TMC1: variants seen among roughly 807,000 people sequenced by gnomAD.
TMC1 encodes the protein transmembrane channel-like protein 1.
In TMC1, 84 loss-of-function variants were observed where a neutral mutation model predicts 105.8. The ratio of observed to expected loss-of-function variants is 0.79; its 90% CI spans 0.67 to 0.95. The LOEUF (loss-of-function observed/expected upper bound fraction) is 0.95, where lower values mean the gene tolerates loss of function less well. Among genes scored for constraint, TMC1 ranks in the 40% least tolerant of loss-of-function variants. TMC1 has a pLI of 0.00. For synonymous variants in TMC1, 315 were observed against 311.5 expected (o/e 1.01, Z -0.12); for missense variants, 817 against 914.1 (o/e 0.89, Z 1.37).
At chr9:72,669,835 A>G (rs987729890) in intron 5 of TMC1, among the ~76,000 whole-genome samples, 1 of 152,200 alleles carries the variant, frequency 6.6e-6, no homozygotes, top group Non-Finnish European at 1.5e-5. Context: ...TAAAAACTGG[A>G]TAAGATATAT....
At chr9:72,826,397 G>C (rs956516859) in intron 20 of TMC1, among the ~76,000 whole-genome samples, 11 of 152,114 alleles carry the variant, frequency 7.2e-5, no homozygotes, top group Admixed American at 3.9e-4. Flanking sequence ...AGGAAGTCTG[G>C]TGGAAAATGA....
intron 1 of TMC1, among the ~76,000 whole-genome samples, chr9:72,524,169 G>T (rs546595364): frequency 6.6e-6 from 1 of 152,026 alleles, no homozygotes; most frequent in Admixed American, 6.6e-5. Context: ...TAGATATGTC[G>T]TTTTTTTCTT....
At chr9:72,581,822 C>T (rs1162580615) in intron 2 of TMC1, among the ~76,000 whole-genome samples, 1 of 152,134 alleles carries the variant, frequency 6.6e-6, no homozygotes, top group Non-Finnish European at 1.5e-5. Flanking sequence ...TCATGCTCCA[C>T]AGTGCTGAAA....
chr9:72,647,030 T>C (rs1160490053), intron 4 of TMC1, among the ~76,000 whole-genome samples: 1 of 151,152 alleles, frequency 6.6e-6, no homozygotes, highest in Non-Finnish European at 1.5e-5. Flanking sequence ...TAATCCCAGC[T>C]ACTCGGGAGG....
At chr9:72,820,657 C>T (rs556948478) in intron 19 of TMC1, among the ~76,000 whole-genome samples, 185 bp from the exon 20 acceptor site, 1 of 152,200 alleles carries the variant, frequency 6.6e-6, no homozygotes, top group Admixed American at 6.5e-5. Flanking sequence ...GGGAAAGTGG[C>T]AAAATGTGTT....
chr9:72,638,253 C>A (rs751662999), intron 4 of TMC1, among the ~76,000 whole-genome samples: 1 of 152,096 alleles, frequency 6.6e-6, no homozygotes, highest in South Asian at 2.1e-4. Context: ...TTTCTTTATA[C>A]GTTAATCATC....
intron 5 of TMC1, among the ~76,000 whole-genome samples, chr9:72,685,150 A>AG (rs1162944482): frequency 1.7e-5 from 2 of 117,686 alleles, no homozygotes; most frequent in Non-Finnish European, 1.6e-5. Context: ...TCTTTCGCCC[A>AG]GGCCAGAGTG....
chr9:72,752,945 A>T (rs555780299), intron 11 of TMC1, among the ~76,000 whole-genome samples: 3 of 152,334 alleles, frequency 2.0e-5, no homozygotes, highest in East Asian at 3.9e-4. Context: ...GCGTCACAAC[A>T]AATTTATGAT....
intron 1 of TMC1, among the ~76,000 whole-genome samples, chr9:72,546,446 G>T (rs1823769772): frequency 6.6e-6 from 1 of 152,222 alleles, no homozygotes; most frequent in Non-Finnish European, 1.5e-5. Context: ...TGATTGAAGT[G>T]ATTGAGGGAT....
chr9:72,749,473 T>A (rs557889636), intron 10 of TMC1, among the ~76,000 whole-genome samples: 1 of 152,186 alleles, frequency 6.6e-6, no homozygotes, highest in Non-Finnish European at 1.5e-5. Flanking sequence ...TACCAGAGAA[T>A]GTAGATAACG....
At chr9:72,784,262 C>T (rs1027221901) in intron 13 of TMC1, among the ~76,000 whole-genome samples, 1 of 151,964 alleles carries the variant, frequency 6.6e-6, no homozygotes, top group Non-Finnish European at 1.5e-5. Context: ...TTAAAATGGG[C>T]AAAAGACATG....
intron 12 of TMC1, among the ~76,000 whole-genome samples, chr9:72,772,053 T>C (rs1198522027): frequency 6.6e-6 from 1 of 152,172 alleles, no homozygotes; most frequent in Non-Finnish European, 1.5e-5. Flanking sequence ...ATTTTTCAGA[T>C]CCCCATCCCC....
intron 13 of TMC1, among the ~76,000 whole-genome samples, 177 bp downstream of exon 13, chr9:72,772,732 A>G (rs1388312262): frequency 2.6e-5 from 4 of 152,212 alleles, no homozygotes; most frequent in Non-Finnish European, 5.9e-5. Flanking sequence ...CATCTTCAAA[A>G]GAACTGAACA....
At chr9:72,557,905 T>G (rs12375943) in intron 1 of TMC1, among the ~76,000 whole-genome samples, 1 of 152,226 alleles carries the variant, frequency 6.6e-6, no homozygotes, top group Non-Finnish European at 1.5e-5. Context: ...AGTGGATGTC[T>G]TTTATTCTGT....
intron 12 of TMC1, among the ~76,000 whole-genome samples, chr9:72,769,862 T>C (rs546614920): frequency 6.6e-6 from 1 of 152,270 alleles, no homozygotes; most frequent in East Asian, 1.9e-4. Context: ...AATAAAGAGT[T>C]CAGGATATAA....
At chr9:72,674,358 T>G (rs2132171329) in intron 5 of TMC1, among the ~76,000 whole-genome samples, 1 of 152,284 alleles carries the variant, frequency 6.6e-6, no homozygotes, top group Middle Eastern at 3.4e-3. Context: ...AAGAGTAAGT[T>G]TGGAAGACAT....
At chr9:72,686,052 A>G (rs1264285630) in intron 5 of TMC1, among the ~76,000 whole-genome samples, 1 of 152,168 alleles carries the variant, frequency 6.6e-6, no homozygotes. Context: ...TACTGTTTTT[A>G]ATTACTGAGT....
intron 2 of TMC1, among the ~76,000 whole-genome samples, chr9:72,601,157 A>G (rs1824804956): frequency 6.7e-6 from 1 of 149,514 alleles, no homozygotes; most frequent in African/African-American, 2.5e-5. Flanking sequence ...CAACATAGCA[A>G]GACACTGTTT....
At chr9:72,792,691 G>A (rs894766768) in intron 17 of TMC1, among the ~76,000 whole-genome samples, 1 of 152,118 alleles carries the variant, frequency 6.6e-6, no homozygotes, top group African/African-American at 2.4e-5. Context: ...ACTCTATTTA[G>A]TGTTACTTGT....
Sources: allele counts gnomAD v4.1 joint callset (sites outside exome capture counted in the v4.1 genomes callset), GRCh38; gene constraint gnomAD v4.1.1; transcripts MANE v1.5; gene names NCBI Gene and HGNC (gene_info 2026-07-23, HGNC 2026-07-21).